The following PIEZO2 variants were observed in gnomAD, a reference collection of about 807,000 sequenced individuals.
PIEZO2 encodes the protein piezo-type mechanosensitive ion channel component 2.
PIEZO2 carries 172 observed loss-of-function variants against 337.3 expected under a neutral mutation model. That is an observed-to-expected ratio of 0.51 (90% CI 0.45 to 0.58). PIEZO2 has a LOEUF of 0.58. Ranked by LOEUF, PIEZO2 falls within the 20% of genes least tolerant of loss-of-function variation. The pLI is 0.00. For missense variants in PIEZO2, 3,028 were observed against 3,391.3 expected (o/e 0.89, Z 2.66); for synonymous variants, 1,251 against 1,228.5 (o/e 1.02, Z -0.38).
At chr18:11,068,471 G>T (rs941134014) in intron 1 of PIEZO2, among the ~76,000 whole-genome samples, 1 of 152,030 alleles carries the variant, frequency 6.6e-6, no homozygotes, top group African/African-American at 2.4e-5. Context: ...AGGGAGATTA[G>T]AAAATACCTT....
At chr18:10,852,324 T>C (rs1361081377) in intron 7 of PIEZO2, among the ~76,000 whole-genome samples, 2 of 152,128 alleles carry the variant, frequency 1.3e-5, no homozygotes, top group Admixed American at 6.5e-5. Context: ...GGATTTAGAA[T>C]AAGGTGGGAA....
chr18:10,726,557 C>A lies in PIEZO2; in HGVS notation c.5029+4850G>T. 2 of 1,408,058 alleles carry A rather than the reference C, an allele frequency of 1.4e-6. No homozygotes were observed. Among genetic ancestry groups the A allele is most frequent in the Non-Finnish European group, 9.4e-7 (1 of 1,061,868 alleles). 87.2% of individuals were successfully genotyped at this position (1,408,058 alleles called of 1,614,324 possible). A position where few individuals can be genotyped will look rare whatever the true frequency, so the allele number is the denominator to read the frequency against. The stretch of plus-strand genomic sequence containing the variant: ...CTGCTCTGCTACACCAGCCGCCACG[C>A]TGTGCGTCTGTCCTTCCGCCAGCTC... On this transcript the variant is annotated intron_variant, in intron 36 of 55. Transcript: ENST00000674853. The surrounding 1 kb of genome is among the most constrained non-coding windows in gnomAD (Gnocchi z 5.9).
intron 11 of PIEZO2, among the ~76,000 whole-genome samples, chr18:10,798,823 A>G (rs2039701512): frequency 6.6e-6 from 1 of 152,216 alleles, no homozygotes; most frequent in African/African-American, 2.4e-5. Flanking sequence ...CATGCTCTGA[A>G]GAGCACACTG....
At chr18:10,875,571 T>C (rs1403597652) in intron 4 of PIEZO2, among the ~76,000 whole-genome samples, 1 of 152,132 alleles carries the variant, frequency 6.6e-6, no homozygotes, top group Non-Finnish European at 1.5e-5. Flanking sequence ...TTATTATAGC[T>C]CTTTCATGGA....
chr18:10,874,538 A>T (rs1444894793), intron 4 of PIEZO2, among the ~76,000 whole-genome samples: 4 of 152,200 alleles, frequency 2.6e-5, no homozygotes, highest in African/African-American at 9.6e-5. Context: ...CACTATTCAC[A>T]ATAGTCAAGA....
intron 50 of PIEZO2, among the ~76,000 whole-genome samples, 157 bp from the exon 51 acceptor site, chr18:10,681,910 TC>T (rs2034283880): frequency 1.3e-5 from 2 of 151,444 alleles, no homozygotes; most frequent in African/African-American, 4.9e-5. Context: ...GAGTGATTAT[TC>T]CCGTGCTCAA....
rs1407694946 is a variant in PIEZO2 at position 11,069,756 on chromosome 18, T to C, written c.65-3534A>G. On this transcript the variant is annotated intron_variant, in intron 1 of 55. Transcript: ENST00000674853. This position sits in a 1 kb window ranked among gnomAD's most constrained non-coding sequence, Gnocchi z 4.9. Reference sequence around the variant, plus strand: ...AGCAAATTTGTGTTTGCAGATGACATGATCTTATATTAAGAAAACCCTAAA... The same window carrying C: ...AGCAAATTTGTGTTTGCAGATGACACGATCTTATATTAAGAAAACCCTAAA... Among the ~76,000 whole-genome samples the C allele has an allele frequency of 2.0e-5, 3 of 152,346 alleles. No homozygotes were observed. The East Asian group carries it at 5.8e-4, about 29-fold the overall frequency.
intron 16 of PIEZO2, among the ~76,000 whole-genome samples, chr18:10,785,563 C>T (rs1299217302): frequency 2.0e-5 from 3 of 152,180 alleles, no homozygotes; most frequent in East Asian, 3.8e-4. Flanking sequence ...CTCCACATCC[C>T]TCTCCCCACT....
intron 3 of PIEZO2, among the ~76,000 whole-genome samples, chr18:10,936,382 A>G (rs2032396568): frequency 6.6e-6 from 1 of 152,162 alleles, no homozygotes; most frequent in Non-Finnish European, 1.5e-5. Flanking sequence ...GTCTGGCCTC[A>G]TTGAGGTTGC....
intron 7 of PIEZO2, among the ~76,000 whole-genome samples, chr18:10,844,062 G>A (rs1318914690): frequency 2.6e-5 from 4 of 152,204 alleles, no homozygotes; most frequent in Non-Finnish European, 4.4e-5. Context: ...GCCCAGTGTA[G>A]GTCATAAGGG....
At position 10,748,724 on chromosome 18, in the gene PIEZO2, A is replaced by T. The variant is rs1176666110; in HGVS notation, c.4265-94T>A. 7 of 1,186,604 alleles carry T rather than the reference A, an allele frequency of 5.9e-6. No individual in the cohort carries two copies. In the African/African-American group the frequency reaches 9.5e-5, roughly 16 times the overall value. The allele number at this position is 1,186,604 out of a possible 1,614,324, so 73.5% of individuals were successfully genotyped here. ...AGGTATGGTCAGGCTTGGGAAATAT[A>T]GGCATAAAAGCAGCATTCTGATGCT... On this transcript the variant is annotated intron_variant, in intron 29 of 55. Transcript: ENST00000674853. The surrounding 1 kb of genome is among the most constrained non-coding windows in gnomAD (Gnocchi z 5.1).
chr18:10,934,829 G>A (rs956416079), intron 3 of PIEZO2, among the ~76,000 whole-genome samples: 20 of 152,022 alleles, frequency 1.3e-4, no homozygotes, highest in Admixed American at 9.8e-4. Flanking sequence ...CTTACCATGC[G>A]GCAGATACTA....
intron 1 of PIEZO2, among the ~76,000 whole-genome samples, chr18:11,085,250 CTCACAGTGGCTCTCCCCAA>C (rs1313877953): frequency 1.3e-5 from 2 of 152,130 alleles, no homozygotes; most frequent in African/African-American, 4.8e-5. Flanking sequence ...CTCCTGGTTC[CTCACAGTGGCTCTCCCCAA>C]CCCCAGCTAC....
chr18:11,019,470 G>C (rs2036235864), intron 2 of PIEZO2, among the ~76,000 whole-genome samples: 1 of 152,132 alleles, frequency 6.6e-6, no homozygotes, highest in African/African-American at 2.4e-5. Flanking sequence ...TGTACTTTCT[G>C]GTGTGGTAAA....
intron 5 of PIEZO2, among the ~76,000 whole-genome samples, chr18:10,864,262 C>G (rs2041950238): frequency 6.6e-6 from 1 of 152,114 alleles, no homozygotes; most frequent in African/African-American, 2.4e-5. Flanking sequence ...CTTTTTTAAC[C>G]AAGACTGGGC....
chr18:10,804,399 T>C (rs2039928514), intron 8 of PIEZO2, among the ~76,000 whole-genome samples: 1 of 152,208 alleles, frequency 6.6e-6, no homozygotes, highest in African/African-American at 2.4e-5. Flanking sequence ...GAAGGCAGAA[T>C]CATCTAGAGC....
chr18:10,791,423 C>A, intron 13 of PIEZO2, 99 bp from the exon 14 acceptor site: 2 of 1,297,010 alleles, frequency 1.5e-6, no homozygotes, highest in South Asian at 3.2e-5. Context: ...AGTGGGAGCA[C>A]AATAAATAAA....
rs1026380737 is a variant in PIEZO2, at chr18:11,028,337, T to C, written c.160+37790A>G. ...GTGCAATGGCGTGATCTCGGCTCATTGCAACCTCTGCCTCCCAGGTTCAAG... is the reference window on the plus strand; with the variant it reads ...GTGCAATGGCGTGATCTCGGCTCATCGCAACCTCTGCCTCCCAGGTTCAAG... On this transcript the variant is annotated intron_variant, in intron 2 of 55. Coordinates refer to ENST00000674853, the MANE Select transcript of PIEZO2 (RefSeq NM_001378183.1). This position sits in a 1 kb window ranked among gnomAD's most constrained non-coding sequence, Gnocchi z 4.8. Among the ~76,000 whole-genome samples, 7 of 152,262 alleles carry C rather than the reference T, an allele frequency of 4.6e-5. No homozygotes were observed. The East Asian group carries it at 1.2e-3, about 25-fold the overall frequency.
At chr18:10,723,256 C>G (rs1213690178) in intron 36 of PIEZO2, among the ~76,000 whole-genome samples, 2 of 152,194 alleles carry the variant, frequency 1.3e-5, no homozygotes, top group East Asian at 1.9e-4. Flanking sequence ...CGTGAGCCAC[C>G]GCGCCTGGCC....
Sources: gnomAD v4.1 joint callset for allele counts (sites outside exome capture counted in the v4.1 genomes callset) on GRCh38, gnomAD v4.1.1 for gene constraint, Gnocchi (gnomAD v3.1) non-coding constraint, MANE v1.5 for transcripts, NCBI Gene and HGNC (gene_info 2026-07-23, HGNC 2026-07-21) for gene names.